Variants in MYO3A observed in about 807,000 individuals in gnomAD.
MYO3A encodes myosin-IIIa.
MYO3A carries 180 observed loss-of-function variants against 192.7 expected under a neutral mutation model. The observed-to-expected ratio is 0.93, with a 90% confidence interval of 0.83 to 1.06. The LOEUF is 1.06. Among genes scored for constraint, MYO3A ranks in the 50% least tolerant of loss-of-function variants. The pLI is 0.00. For synonymous variants in MYO3A, 628 were observed against 645.3 expected (o/e 0.97, Z 0.41); for missense variants, 1,896 against 1,905.0 (o/e 1.00, Z 0.09).
At chr10:26,000,913 A>G (rs1343955554) in intron 6 of MYO3A, among the ~76,000 whole-genome samples, 1 of 152,170 alleles carries the variant, frequency 6.6e-6, no homozygotes, top group Non-Finnish European at 1.5e-5. Context: ...GGAAACTTAC[A>G]ATCATGGCAG....
intron 3 of MYO3A, among the ~76,000 whole-genome samples, chr10:25,952,699 TA>T (rs896777766): frequency 6.6e-6 from 1 of 152,136 alleles, no homozygotes; most frequent in Non-Finnish European, 1.5e-5. Context: ...GAAGACTTTT[TA>T]AAATGAAATT....
intron 14 of MYO3A, among the ~76,000 whole-genome samples, chr10:26,084,041 A>G (rs1203257641): frequency 6.6e-6 from 1 of 152,246 alleles, no homozygotes; most frequent in Non-Finnish European, 1.5e-5. Flanking sequence ...ATAGAAAGAT[A>G]ATAGCTATAG....
intron 9 of MYO3A, among the ~76,000 whole-genome samples, chr10:26,025,707 T>C (rs754957556): frequency 7.9e-5 from 12 of 152,228 alleles, no homozygotes; most frequent in Admixed American, 3.3e-4. Flanking sequence ...GGTTAAACTT[T>C]CTACATTTGT....
chr10:26,054,880 C>A (rs1467790578), intron 10 of MYO3A, among the ~76,000 whole-genome samples: 2 of 152,190 alleles, frequency 1.3e-5, no homozygotes, highest in Non-Finnish European at 2.9e-5. Flanking sequence ...GGATTTCTGG[C>A]CTGCAGAACT....
chr10:26,029,381 A>C (rs2131137806), intron 10 of MYO3A, among the ~76,000 whole-genome samples: 1 of 152,318 alleles, frequency 6.6e-6, no homozygotes, highest in South Asian at 2.1e-4. Flanking sequence ...TCTGAGACAT[A>C]AATGTTGGAA....
intron 10 of MYO3A, among the ~76,000 whole-genome samples, chr10:26,027,940 C>T (rs889171887): frequency 2.6e-5 from 4 of 152,034 alleles, no homozygotes; most frequent in Admixed American, 1.3e-4. Context: ...ACTATTAAGT[C>T]AAAAAATTAT....
At chr10:26,012,512 A>T (rs1182191164) in intron 6 of MYO3A, among the ~76,000 whole-genome samples, 1 of 152,144 alleles carries the variant, frequency 6.6e-6, no homozygotes, top group East Asian at 1.9e-4. Flanking sequence ...AAATAAAAAT[A>T]CTCAGGAATA....
chr10:26,038,080 A>G (rs1040910982), intron 10 of MYO3A, among the ~76,000 whole-genome samples: 2 of 152,158 alleles, frequency 1.3e-5, no homozygotes, highest in African/African-American at 4.8e-5. Flanking sequence ...TTATGCTAGT[A>G]CCCTGCTGTT....
intron 20 of MYO3A, 71 bp from the exon 21 acceptor site, chr10:26,143,377 G>C: frequency 1.4e-6 from 2 of 1,464,710 alleles, no homozygotes; most frequent in South Asian, 1.2e-5. Context: ...TATATGCAAA[G>C]TAAAATTTTA....
At chr10:26,168,526 CAAAG>C (rs1841877992) in intron 27 of MYO3A, among the ~76,000 whole-genome samples, 182 bp from the exon 28 acceptor site, 1 of 152,130 alleles carries the variant, frequency 6.6e-6, no homozygotes, top group Non-Finnish European at 1.5e-5. Flanking sequence ...CATTTCTTCT[CAAAG>C]AAATGTTTTC....
intron 21 of MYO3A, 93 bp from the exon 22 acceptor site, chr10:26,145,353 C>G: frequency 1.2e-6 from 1 of 859,942 alleles, no homozygotes; most frequent in Non-Finnish European, 2.0e-6. Context: ...TCTTTGTTCA[C>G]TGCACATTGT....
At chr10:25,946,437 A>G (rs74582244) in intron 2 of MYO3A, among the ~76,000 whole-genome samples, 1 of 151,290 alleles carries the variant, frequency 6.6e-6, no homozygotes, top group African/African-American at 2.4e-5. Context: ...AGCTTGCAAG[A>G]TTTCTGCTGG....
intron 10 of MYO3A, among the ~76,000 whole-genome samples, chr10:26,058,908 T>G (rs1834291945): frequency 6.8e-6 from 1 of 148,040 alleles, no homozygotes; most frequent in African/African-American, 2.5e-5. Context: ...TTGTATGTAT[T>G]TTGTTAGATT....
In MYO3A at chr10:26,153,916, T is replaced by A. The variant is rs201572198; in HGVS notation, c.2702T>A (p.Ile901Asn). 190 of 1,592,040 alleles carry A rather than the reference T, an allele frequency of 1.2e-4. 4 individuals are homozygous for A. The South Asian group carries it at 1.7e-3, about 14-fold the overall frequency. ...NYQMRTSEKLINLAKGDTGEA... is the reference protein window; with the variant it reads ...NYQMRTSEKLNNLAKGDTGEA... ...CAAATGAGGACTTCAGAAAAATTAA[T>A]CAACCTGGCAAAGGTAAGAAAATGC... Residue 901 changes from isoleucine to asparagine, a missense_variant, in exon 24 of 35, where the codon ATC becomes AAC. Ile to Asn is a moderately radical substitution (Grantham distance 149). Transcript: ENST00000642920.
Position 26,020,904 on chromosome 10 carries a change from GC to G in MYO3A, c.586-595del, listed in dbSNP as rs538769408. Among the ~76,000 whole-genome samples the G allele has an allele frequency of 1.4e-3, 207 of 152,198 alleles. 1 individual carries two copies. Among genetic ancestry groups the G allele is most frequent in the African/African-American group, 4.6e-3 (189 of 41,522 alleles). On this transcript the variant is annotated intron_variant, in intron 7 of 34. Transcript: ENST00000642920. ...GGTTGCAGTTTTACAATTTAGGGTG[GC>G]CCCAGATAGGCTGTTGGTAAAACCA...
chr10:26,090,565 C>T (rs1301142145), intron 15 of MYO3A, among the ~76,000 whole-genome samples: 1 of 152,180 alleles, frequency 6.6e-6, no homozygotes. Context: ...TAATTTATAA[C>T]ACTTTTTCCA....
intron 10 of MYO3A, among the ~76,000 whole-genome samples, chr10:26,041,982 T>A (rs1278466820): frequency 1.3e-5 from 2 of 152,170 alleles, no homozygotes; most frequent in African/African-American, 4.8e-5. Context: ...AGTATTCCCA[T>A]TAGCATTTCT....
intron 22 of MYO3A, among the ~76,000 whole-genome samples, 197 bp from the exon 23 acceptor site, chr10:26,147,233 G>C (rs1248963458): frequency 1.5e-5 from 1 of 65,044 alleles, no homozygotes. Context: ...GTGAGACACA[G>C]ATGATAAGGA....
intron 10 of MYO3A, among the ~76,000 whole-genome samples, chr10:26,038,196 G>A (rs1259054550): frequency 2.0e-5 from 3 of 147,252 alleles, no homozygotes; most frequent in Non-Finnish European, 3.1e-5. Context: ...GTCTTTTGTG[G>A]TTCCATATAA....
Sources: allele counts gnomAD v4.1 joint callset (sites outside exome capture counted in the v4.1 genomes callset), GRCh38; gene constraint gnomAD v4.1.1; transcripts MANE v1.5; gene names NCBI Gene and HGNC (gene_info 2026-07-23, HGNC 2026-07-21).